Variants in PLEKHA5 observed in about 807,000 individuals in gnomAD.
PLEKHA5 encodes pleckstrin homology domain containing A5.
Under a neutral mutation model 181.9 loss-of-function variants are expected in PLEKHA5, and 55 were observed. That is an observed-to-expected ratio of 0.30 (90% CI 0.24 to 0.38). The LOEUF (loss-of-function observed/expected upper bound fraction) is 0.38. Among genes scored for constraint, PLEKHA5 ranks in the 10% least tolerant of loss-of-function variants. The probability of loss-of-function intolerance (pLI) is 1.00; values close to 1 mark genes in which losing one functional copy is unlikely to be tolerated. For synonymous variants in PLEKHA5, 535 were observed against 529.4 expected (o/e 1.01, Z -0.15); for missense variants, 1,432 against 1,549.5 (o/e 0.92, Z 1.27).
rs182582929 is a variant in PLEKHA5 at position 19,284,105 on chromosome 12, G to A, written c.1779+360G>A. 3.7e-3 allele frequency among the ~76,000 whole-genome samples: 566 copies of A among 152,206 alleles called. 2 individuals carry two copies. The highest frequency in any genetic ancestry group is 6.8e-3 in the Middle Eastern group (2 of 294). ...TTGTTTTGAGATGGAGTCTCTCTCT[G>A]TTGCCCAGGCTGGAATGCAGAGGCA... is the stretch of plus-strand genomic sequence containing the variant. On this transcript the variant is annotated intron_variant, in intron 12 of 31. Transcript: ENST00000429027.
chr12:19,326,463 A>G (rs925046475), intron 20 of PLEKHA5, among the ~76,000 whole-genome samples: 1 of 152,212 alleles, frequency 6.6e-6, no homozygotes, highest in African/African-American at 2.4e-5. Context: ...ACCTCTGTAG[A>G]TCAAAGCTGT....
chr12:19,178,905 T>G (rs188805232), intron 3 of PLEKHA5, among the ~76,000 whole-genome samples: 3 of 152,314 alleles, frequency 2.0e-5, no homozygotes, highest in Admixed American at 2.0e-4. Context: ...CTGTTGGATA[T>G]ATCAGTCTAA....
chr12:19,235,380 T>C (rs1419730784), intron 3 of PLEKHA5, among the ~76,000 whole-genome samples: 4 of 152,188 alleles, frequency 2.6e-5, no homozygotes, highest in Non-Finnish European at 5.9e-5. Context: ...TACAATATGT[T>C]TTGTAAAATG....
intron 3 of PLEKHA5, chr12:19,201,373 C>G (rs989125348): frequency 6.6e-6 from 1 of 151,982 alleles, no homozygotes; most frequent in Admixed American, 6.6e-5. Context: ...AACTCAAACT[C>G]TGTTACACTA....
chr12:19,171,795 ATTAAACTTTTTTGTTAGCTTT>A (rs1222457691), intron 3 of PLEKHA5, among the ~76,000 whole-genome samples: 32 of 152,210 alleles, frequency 2.1e-4, no homozygotes, highest in South Asian at 2.1e-4. Flanking sequence ...GCTTTTTTAT[ATTAAACTTTTTTGTTAGCTTT>A]TTAAACTTTT....
chr12:19,226,795 C>G (rs997955865), intron 3 of PLEKHA5, among the ~76,000 whole-genome samples: 2 of 152,110 alleles, frequency 1.3e-5, no homozygotes, highest in Admixed American at 6.6e-5. Flanking sequence ...ACTGAATGTG[C>G]TCTGTTATTT....
At chr12:19,345,778 T>C (rs1009153502) in intron 22 of PLEKHA5, 64 bp from the exon 23 acceptor site, 6 of 806,074 alleles carry the variant, frequency 7.4e-6, no homozygotes, top group South Asian at 7.4e-5. Context: ...ACAAAAGAAA[T>C]TGTTCTTTTT....
chr12:19,287,326 G>C (rs191960744), intron 12 of PLEKHA5, 147 bp from the exon 13 acceptor site: 18 of 666,898 alleles, frequency 2.7e-5, no homozygotes, highest in Non-Finnish European at 4.6e-5. Context: ...TTTATGTCAA[G>C]AAATGTTAGT....
rs149092240 is a variant in PLEKHA5 at position 19,267,077 on chromosome 12, A to C, written c.711+1227A>C. 6.7e-3 allele frequency among the ~76,000 whole-genome samples: 1,024 copies of C among 152,252 alleles called. 8 individuals carry two copies. Among genetic ancestry groups the C allele is most frequent in the Non-Finnish European group, 0.01 (713 of 68,010 alleles). On this transcript the variant is annotated intron_variant, in intron 8 of 31. Transcript: ENST00000429027. ...GATCACTCTCAAGTAAGAGGTCTTC[A>C]ATGCTATTTTTGGAGATTTTTGTTT...
In PLEKHA5 at chr12:19,343,147, A is replaced by G. The variant is rs1236402492; in HGVS notation, c.2551-176A>G. ...TTTCTTGCTCTGCTCAGTCTTTTAT[A>G]TTTGCCACTGGACTTGCAAAATTGG... On this transcript the variant is annotated intron_variant, in intron 21 of 31. Transcript: ENST00000429027. Among the ~76,000 whole-genome samples, 6 of 152,124 alleles carry G rather than the reference A, an allele frequency of 3.9e-5. No individual in the cohort carries two copies. The East Asian group carries it at 7.7e-4, about 20-fold the overall frequency.
At chr12:19,171,558 C>T (rs1040097682) in intron 3 of PLEKHA5, among the ~76,000 whole-genome samples, 3 of 152,058 alleles carry the variant, frequency 2.0e-5, no homozygotes, top group East Asian at 1.9e-4. Flanking sequence ...GGGATTTTAC[C>T]ATGTTGGCCA....
chr12:19,346,041 A>C (rs1039846950), intron 23 of PLEKHA5, among the ~76,000 whole-genome samples, 153 bp downstream of exon 23: 4 of 152,142 alleles, frequency 2.6e-5, no homozygotes, highest in African/African-American at 9.7e-5. Context: ...TGGATCAGTA[A>C]TTTGGTGCTT....
intron 3 of PLEKHA5, among the ~76,000 whole-genome samples, chr12:19,203,322 C>T (rs2054623408): frequency 6.6e-6 from 1 of 152,198 alleles, no homozygotes; most frequent in East Asian, 1.9e-4. Flanking sequence ...TTCCATTATC[C>T]AGGGTATAGA....
At chr12:19,195,368 G>A (rs2052403460) in intron 3 of PLEKHA5, among the ~76,000 whole-genome samples, 1 of 104,826 alleles carries the variant, frequency 9.5e-6, no homozygotes, top group Middle Eastern at 5.1e-3. Context: ...AATTGATATA[G>A]CACAAAAGGA....
intron 3 of PLEKHA5, among the ~76,000 whole-genome samples, chr12:19,136,546 T>C (rs1171252566): frequency 1.3e-5 from 2 of 152,176 alleles, no homozygotes; most frequent in Non-Finnish European, 2.9e-5. Context: ...GATTCTGTAA[T>C]GACAGGCCAT....
chr12:19,345,783 C>T (rs900692086), intron 22 of PLEKHA5, 59 bp from the exon 23 acceptor site: 16 of 833,104 alleles, frequency 1.9e-5, no homozygotes, highest in Non-Finnish European at 3.0e-5. Context: ...AGAAATTGTT[C>T]TTTTTTTATA....
At chr12:19,261,400 A>G (rs147707729) in intron 7 of PLEKHA5, among the ~76,000 whole-genome samples, 2 of 152,208 alleles carry the variant, frequency 1.3e-5, no homozygotes, top group Non-Finnish European at 2.9e-5. Context: ...ATGATATTAG[A>G]ATATTAAGGA....
At position 19,362,606 on chromosome 12, in the gene PLEKHA5, A is replaced by G. The variant is rs528222693; in HGVS notation, c.3608+900A>G. ...GTGCTTAGCACCTAGGAAGTATTCA[A>G]TAAATGATACCTTACCCCAGGTGCA... On this transcript the variant is annotated intron_variant, in intron 29 of 31. Transcript: ENST00000429027. Among the ~76,000 whole-genome samples, 17 of 152,276 alleles carry G rather than the reference A, an allele frequency of 1.1e-4. No homozygotes were observed. In the South Asian group the frequency reaches 2.9e-3, roughly 26 times the overall value.
intron 15 of PLEKHA5, 188 bp from the exon 16 acceptor site, chr12:19,314,626 T>G: frequency 5.3e-6 from 3 of 567,550 alleles, no homozygotes; most frequent in Non-Finnish European, 3.3e-6. Context: ...CTTGGAAGTA[T>G]TTCACAGCGT....
Sources: allele counts gnomAD v4.1 joint callset (sites outside exome capture counted in the v4.1 genomes callset), GRCh38; gene constraint gnomAD v4.1.1; transcripts MANE v1.5; gene names NCBI Gene and HGNC (gene_info 2026-07-23, HGNC 2026-07-21).